Variants in LHPP observed in about 807,000 individuals in gnomAD.
LHPP encodes the protein hLHPP.
Under a neutral mutation model 30.3 loss-of-function variants are expected in LHPP, and 24 were observed. The observed-to-expected ratio is 0.79, with a 90% confidence interval of 0.57 to 1.11. The LOEUF is 1.11. LHPP is among the 50% of genes most tolerant of loss of function. The pLI is 0.00. For synonymous variants in LHPP, 150 were observed against 157.1 expected, an observed-to-expected ratio of 0.95 and a Z score of 0.34; for missense variants, 356 against 367.2, an observed-to-expected ratio of 0.97 and a Z score of 0.25.
chr10:124,527,175 G>A lies in LHPP; in HGVS notation c.716+9904G>A, dbSNP rs1420231834. Among the ~76,000 whole-genome samples, 29 of 152,214 alleles carry A rather than the reference G, an allele frequency of 1.9e-4. 1 individual carries two copies. The highest frequency in any genetic ancestry group is 2.4e-4 in the Non-Finnish European group (16 of 68,032). On this transcript the variant is annotated intron_variant, in intron 6 of 6. Coordinates refer to ENST00000368842, the MANE Select transcript of LHPP (RefSeq NM_022126.4). ...CTCGGGGACACGGCCAGGGCTGGTG[G>A]CGCTTACAGCCCAGGGGCAGGGGAG...
chr10:124,533,796 G>A (rs1954953162), intron 6 of LHPP, among the ~76,000 whole-genome samples: 1 of 152,252 alleles, frequency 6.6e-6, no homozygotes, highest in Admixed American at 6.5e-5. Context: ...GTGGCCTGAA[G>A]GGTCCCACGC....
intron 6 of LHPP, among the ~76,000 whole-genome samples, chr10:124,537,603 T>A (rs10901754): frequency 0.21 from 31,673 of 151,998 alleles, 3,791 homozygotes; most frequent in African/African-American, 0.33. Context: ...CGGACCGTGC[T>A]CGTGAGAGAT....
intron 3 of LHPP, among the ~76,000 whole-genome samples, chr10:124,495,315 G>A (rs1211486524): frequency 4.6e-5 from 7 of 152,144 alleles, no homozygotes; most frequent in Admixed American, 2.0e-4. Flanking sequence ...CCAAGCCCAC[G>A]TCATGACAGG....
At chr10:124,609,028 G>A (rs1057191042) in intron 6 of LHPP, among the ~76,000 whole-genome samples, 1 of 152,138 alleles carries the variant, frequency 6.6e-6, no homozygotes, top group African/African-American at 2.4e-5. Context: ...CTTGAGAAGG[G>A]GCCTGTCCAG....
intron 6 of LHPP, among the ~76,000 whole-genome samples, chr10:124,568,503 G>C (rs1297538495): frequency 6.6e-6 from 1 of 152,200 alleles, no homozygotes; most frequent in Non-Finnish European, 1.5e-5. Flanking sequence ...CTTTTGCTTA[G>C]CCCTGCGCTT....
intron 1 of LHPP, among the ~76,000 whole-genome samples, chr10:124,462,385 G>C (rs1260544352): frequency 6.6e-6 from 1 of 152,192 alleles, no homozygotes; most frequent in East Asian, 1.9e-4. Flanking sequence ...CTTGAGGCTA[G>C]GGGGTTGGAG....
At chr10:124,515,957 A>G (rs891191889) in intron 5 of LHPP, among the ~76,000 whole-genome samples, 4 of 152,130 alleles carry the variant, frequency 2.6e-5, no homozygotes, top group Admixed American at 1.3e-4. Flanking sequence ...CTCTTTCTCC[A>G]TGCAGCCTTC....
chr10:124,526,420 C>T (rs78618768), intron 6 of LHPP, among the ~76,000 whole-genome samples: 52 of 152,308 alleles, frequency 3.4e-4, no homozygotes, highest in African/African-American at 1.2e-3. Context: ...TTGCCCAAGG[C>T]CACACAGCCT....
rs911580704 is a variant in LHPP at position 124,498,473 on chromosome 10, C to T, written c.624+345C>T. 4 of 1,469,216 alleles carry T rather than the reference C, an allele frequency of 2.7e-6. No individual in the cohort carries two copies. The African/African-American group carries it at 5.7e-5, about 21-fold the overall frequency. 91.0% of individuals were successfully genotyped at this position (1,469,216 alleles called of 1,614,324 possible). On this transcript the variant is annotated intron_variant, in intron 5 of 6. Coordinates refer to ENST00000368842, the MANE Select transcript of LHPP (RefSeq NM_022126.4). ...AGACAGTGTAACAGCAAGATTACAA[C>T]AATATGGAGGAAATAATAAAGTCAC...
At chr10:124,604,282 G>C (rs1203492868) in intron 6 of LHPP, among the ~76,000 whole-genome samples, 1 of 152,160 alleles carries the variant, frequency 6.6e-6, no homozygotes, top group African/African-American at 2.4e-5. Context: ...CCGACCCTCG[G>C]GCACCTGCCA....
chr10:124,606,939 C>T (rs35986134), intron 6 of LHPP, among the ~76,000 whole-genome samples: 31,012 of 152,208 alleles, frequency 0.2, 3,920 homozygotes, highest in Admixed American at 0.27. Context: ...TGTCTCTACT[C>T]GCCTGCCCTC....
At chr10:124,607,363 A>C (rs2061068) in intron 6 of LHPP, among the ~76,000 whole-genome samples, 39,819 of 152,244 alleles carry the variant, frequency 0.26, 5,366 homozygotes, top group East Asian at 0.34. Flanking sequence ...TGGGAGACAC[A>C]GCCCACAGCA....
chr10:124,596,903 C>A lies in LHPP; in HGVS notation c.717-16361C>A, dbSNP rs1948950205. ...TCTGTGAGGGTGTTGCCAGAGGAGACTGACTTTTGAGTCGGTGGACCGGGT... is the reference window on the plus strand; with the variant it reads ...TCTGTGAGGGTGTTGCCAGAGGAGAATGACTTTTGAGTCGGTGGACCGGGT... On this transcript the variant is annotated intron_variant, in intron 6 of 6. Coordinates refer to ENST00000368842, the MANE Select transcript of LHPP (RefSeq NM_022126.4). The surrounding 1 kb of genome is among the most constrained non-coding windows in gnomAD (Gnocchi z 4.6). Among the ~76,000 whole-genome samples, 1 of 152,214 alleles carries A rather than the reference C, an allele frequency of 6.6e-6. No homozygotes were observed. The highest frequency in any genetic ancestry group is 2.1e-4 in the South Asian group (1 of 4,836).
At chr10:124,560,166 AG>A (rs752912482) in intron 6 of LHPP, among the ~76,000 whole-genome samples, 2 of 152,244 alleles carry the variant, frequency 1.3e-5, no homozygotes, top group African/African-American at 4.8e-5. Flanking sequence ...ATATGGAGAG[AG>A]GACTCTTTCT....
chr10:124,478,653 AT>A lies in LHPP; in HGVS notation c.126-5483del, dbSNP rs756200068. ...CAGCAGATGTGGAGAGTCCGAGGTG[AT>A]TTGTAAGGGCCGGTTCATCTGATGC... On this transcript the variant is annotated intron_variant, in intron 1 of 6. Coordinates refer to ENST00000368842, the MANE Select transcript of LHPP (RefSeq NM_022126.4). The surrounding 1 kb of genome is among the most constrained non-coding windows in gnomAD (Gnocchi z 4.7). 7.9e-5 allele frequency among the ~76,000 whole-genome samples: 12 copies of A among 152,128 alleles called. No individual in the cohort carries two copies. The highest frequency in any genetic ancestry group is 1.3e-4 in the Non-Finnish European group (9 of 68,024).
chr10:124,463,827 T>C (rs1204346971), intron 1 of LHPP, among the ~76,000 whole-genome samples: 1 of 134,346 alleles, frequency 7.4e-6, no homozygotes, highest in Non-Finnish European at 1.5e-5. Flanking sequence ...TTTCTTTTTT[T>C]TTTTTTTTTT....
At chr10:124,553,427 T>C (rs1202498112) in intron 6 of LHPP, among the ~76,000 whole-genome samples, 4 of 146,164 alleles carry the variant, frequency 2.7e-5, no homozygotes, top group Non-Finnish European at 4.5e-5. Context: ...AGCGGCACCA[T>C]AGGGCCAGGA....
intron 6 of LHPP, among the ~76,000 whole-genome samples, chr10:124,543,511 G>A (rs749075031): frequency 4.6e-5 from 7 of 152,348 alleles, no homozygotes; most frequent in East Asian, 1.9e-4. Flanking sequence ...CCTCAAAACA[G>A]GGAGTCTTCT....
chr10:124,553,245 A>T (rs1032866097), intron 6 of LHPP, among the ~76,000 whole-genome samples: 8 of 152,176 alleles, frequency 5.3e-5, no homozygotes, highest in Admixed American at 1.3e-4. Context: ...TCAGCCTGAC[A>T]AAGGGGAACT....
Sources: allele counts gnomAD v4.1 joint callset (sites outside exome capture counted in the v4.1 genomes callset), GRCh38; gene constraint gnomAD v4.1.1; non-coding constraint Gnocchi (gnomAD v3.1); transcripts MANE v1.5; gene names NCBI Gene and HGNC (gene_info 2026-07-23, HGNC 2026-07-21).